The following KY variants were observed in gnomAD, a reference collection of about 807,000 sequenced individuals.
KY encodes kyphoscoliosis peptidase.
In KY, 43 loss-of-function variants were observed where a neutral mutation model predicts 76.1. The observed-to-expected ratio is 0.57, with a 90% CI of 0.44 to 0.73. The LOEUF is 0.73. KY is among the 30% of genes least tolerant of loss of function. KY has a pLI of 0.00. For missense variants in KY, 722 were observed against 828.9 expected (o/e 0.87, Z 1.58); for synonymous variants, 277 against 326.2 (o/e 0.85, Z 1.63).
In KY at chr3:134,627,817, A is replaced by G. The variant is rs756981844; in HGVS notation, c.339T>C (p.Arg113=). 1 of 1,612,164 alleles carries G rather than the reference A, an allele frequency of 6.2e-7. No individual in the cohort carries two copies. Among genetic ancestry groups the G allele is most frequent in the East Asian group, 2.2e-5 (1 of 44,872 alleles). Residue 113 remains arginine, a splice_region_variant and synonymous_variant, in exon 5 of 11, where the codon CGT becomes CGC. Transcript: ENST00000423778. ...TGTTTCCATTTTTATCACCTTGTAA[A>G]CCTACAATATTCCAAAGATCAGAAG... ...QLLKKFSLAK[R]LQGDKNGNTR...
chr3:134,620,995 G>A, intron 6 of KY, 138 bp from the exon 7 acceptor site: 1 of 631,088 alleles, frequency 1.6e-6, no homozygotes, highest in East Asian at 2.8e-5. Context: ...GCAAAGGCTG[G>A]CTGAGGACAA....
rs1257719254 is a variant in KY at position 134,647,540 on chromosome 3, A to C, written c.137-43T>G. 3 of 1,244,846 alleles carry C rather than the reference A, an allele frequency of 2.4e-6. No individual in the cohort carries two copies. In the South Asian group the frequency reaches 3.7e-5, roughly 15 times the overall value. The allele number at this position is 1,244,846 out of a possible 1,614,324, so 77.1% of individuals were successfully genotyped here. ...TCTCTGAGGTGGGAGACTCAGGGCA[A>C]AAGAGTGATGTACCAGTTGCAGACT... On this transcript the variant is annotated intron_variant, in intron 1 of 10. Transcript: ENST00000423778.
At chr3:134,647,694 A>C (rs1966598601) in intron 1 of KY, among the ~76,000 whole-genome samples, 197 bp from the exon 2 acceptor site, 1 of 152,230 alleles carries the variant, frequency 6.6e-6, no homozygotes, top group Non-Finnish European at 1.5e-5. Context: ...AACTGTTAAA[A>C]CAGTTTTCAA....
At chr3:134,640,184 A>C (rs1280011924) in intron 3 of KY, among the ~76,000 whole-genome samples, 1 of 145,702 alleles carries the variant, frequency 6.9e-6, no homozygotes, top group African/African-American at 2.5e-5. Context: ...CAATGAGTTC[A>C]GACTGAAATC....
At position 134,602,742 on chromosome 3, in the gene KY, T is replaced by C. The variant is rs1381840822; in HGVS notation, c.*837A>G. The stretch of plus-strand genomic sequence containing the variant: ...CTGGAGGGCACTCCAGGCCTTAGAC[T>C]GAACTACCTGCCCTGTGTACTCCTC... On this transcript the variant is annotated 3_prime_UTR_variant, in exon 11 of 11. Coordinates refer to ENST00000423778, the MANE Select transcript of KY (RefSeq NM_178554.6). Among the ~76,000 whole-genome samples the C allele has an allele frequency of 1.3e-5, 2 of 152,142 alleles. No homozygotes were observed. Among genetic ancestry groups the C allele is most frequent in the African/African-American group, 4.8e-5 (2 of 41,448 alleles).
chr3:134,624,819 G>A (rs1963209277), intron 6 of KY, among the ~76,000 whole-genome samples: 1 of 152,184 alleles, frequency 6.6e-6, no homozygotes, highest in Non-Finnish European at 1.5e-5. Flanking sequence ...TGTTGTATGG[G>A]GTGGGAGCAA....
intron 3 of KY, among the ~76,000 whole-genome samples, chr3:134,631,955 T>G (rs1205693323): frequency 6.6e-6 from 1 of 152,124 alleles, no homozygotes; most frequent in Non-Finnish European, 1.5e-5. Flanking sequence ...CTTTAACTAC[T>G]ATGATATAGG....
At chr3:134,610,108 G>T in intron 9 of KY, 87 bp downstream of exon 9, 1 of 1,430,782 alleles carries the variant, frequency 7.0e-7, no homozygotes, top group Non-Finnish European at 9.6e-7. Context: ...CTCCCGCTTG[G>T]TCTTCTCCAC....
intron 8 of KY, among the ~76,000 whole-genome samples, chr3:134,611,602 G>A (rs539357945): frequency 6.6e-6 from 1 of 152,352 alleles, no homozygotes; most frequent in East Asian, 1.9e-4. Context: ...CTGTGAAACC[G>A]AGGATGTGCT....
At position 134,605,382 on chromosome 3, in the gene KY, G is replaced by A. The variant is rs1192394300; in HGVS notation, c.1091-908C>T. ...CAGTTGAGTGCAAAGGAAGGAGAGA[G>A]GCTGTCTGATCCATGTCCCTAGGAA... On this transcript the variant is annotated intron_variant, in intron 10 of 10. Transcript: ENST00000423778. 3.3e-5 allele frequency among the ~76,000 whole-genome samples: 5 copies of A among 152,138 alleles called. 1 individual carries two copies. The highest frequency in any genetic ancestry group is 2.6e-4 in the Admixed American group (4 of 15,276).
chr3:134,648,134 C>T (rs1036812419), intron 1 of KY, among the ~76,000 whole-genome samples: 4 of 152,348 alleles, frequency 2.6e-5, no homozygotes, highest in South Asian at 4.1e-4. Context: ...CATGGGGATA[C>T]GTTCTGGCAG....
chr3:134,603,617 A>G lies in KY; in HGVS notation c.1948T>C (p.Tyr650His). 1 of 1,600,572 alleles carries G rather than the reference A, an allele frequency of 6.2e-7. No homozygotes were observed. The highest frequency in any genetic ancestry group is 8.5e-7 in the Non-Finnish European group (1 of 1,171,396). Reference sequence around the variant, plus strand: ...ACTTTGTATTTCAGGATGTAGGAGTAGAAATTGTGGTTGGCATTCTCCAGC... The same window carrying G: ...ACTTTGTATTTCAGGATGTAGGAGTGGAAATTGTGGTTGGCATTCTCCAGC... ...MVLENANHNF[Y>H]SYILKYKVNA... is the part of the protein sequence containing the mutation. Residue 650 changes from tyrosine to histidine, a missense_variant, in exon 11 of 11, where the codon TAC becomes CAC. Coordinates refer to ENST00000423778, the MANE Select transcript of KY (RefSeq NM_178554.6).
intron 9 of KY, 75 bp downstream of exon 9, chr3:134,610,120 T>G (rs980673528): frequency 8.8e-5 from 132 of 1,492,004 alleles, no homozygotes; most frequent in Middle Eastern, 1.8e-4. Flanking sequence ...CTTCTCCACC[T>G]GCTGCTTCAT....
intron 3 of KY, among the ~76,000 whole-genome samples, chr3:134,641,782 C>T (rs193108012): frequency 2.0e-3 from 306 of 152,294 alleles, no homozygotes; most frequent in Middle Eastern, 6.8e-3. Flanking sequence ...CCCCTTATAC[C>T]TTATCTGGCT....
At chr3:134,607,585 C>T (rs1959429177) in intron 10 of KY, 1 of 985,614 alleles carries the variant, frequency 1.0e-6, no homozygotes, top group Non-Finnish European at 1.2e-6. Flanking sequence ...AGGCTGTGTG[C>T]CCAGCACTGG....
intron 6 of KY, among the ~76,000 whole-genome samples, chr3:134,623,670 T>C (rs1006948369): frequency 6.6e-6 from 1 of 152,010 alleles, no homozygotes; most frequent in Non-Finnish European, 1.5e-5. Context: ...TGCTTGCTCT[T>C]CCACCCACCT....
chr3:134,614,320 G>C (rs1055717436), intron 8 of KY, among the ~76,000 whole-genome samples: 2 of 152,010 alleles, frequency 1.3e-5, no homozygotes, highest in South Asian at 2.1e-4. Context: ...CAGAATCTTC[G>C]CTTCTACTTT....
chr3:134,642,605 A>G lies in KY; in HGVS notation c.262+711T>C, dbSNP rs374917141. Among the ~76,000 whole-genome samples the G allele has an allele frequency of 1.1e-4, 16 of 152,250 alleles. No homozygotes were observed. In the East Asian group the frequency reaches 1.4e-3, roughly 13 times the overall value. ...TGTCCCCAAAAAGTGAGGACTCCCA[A>G]TGAAGGTGCCTCTCACTCTGCCTTG... On this transcript the variant is annotated intron_variant, in intron 3 of 10. Transcript: ENST00000423778.
chr3:134,612,880 T>A (rs942190465), intron 8 of KY: 1 of 151,508 alleles, frequency 6.6e-6, no homozygotes, highest in Non-Finnish European at 1.5e-5. Context: ...GGCAATGGGA[T>A]TATAGGTGAT....
Sources: allele counts gnomAD v4.1 joint callset (sites outside exome capture counted in the v4.1 genomes callset), GRCh38; gene constraint gnomAD v4.1.1; transcripts MANE v1.5; gene names NCBI Gene and HGNC (gene_info 2026-07-23, HGNC 2026-07-21).